The following PCDHA8 variants were observed in gnomAD, a reference collection of about 807,000 sequenced individuals.
The protein encoded by PCDHA8 is protocadherin alpha-8.
Under a neutral mutation model 61.8 loss-of-function variants are expected in PCDHA8, and 53 were observed. That is an observed-to-expected ratio of 0.86 (90% CI 0.69 to 1.08). PCDHA8 has a LOEUF of 1.08. PCDHA8 is among the 50% of genes least tolerant of loss of function. The pLI is 0.00. For missense variants in PCDHA8, 1,293 were observed against 1,245.0 expected, an observed-to-expected ratio of 1.04 and a Z score of -0.58; for synonymous variants, 618 against 556.6, an observed-to-expected ratio of 1.11 and a Z score of -1.55.
chr5:140,896,564 A>G (rs1475217228), intron 1 of PCDHA8, among the ~76,000 whole-genome samples: 1 of 150,096 alleles, frequency 6.7e-6, no homozygotes, highest in African/African-American at 2.5e-5. Flanking sequence ...TTAAGTAGAG[A>G]TGGGGTTTTG....
rs371960819 is a variant in PCDHA8, at chr5:140,928,197, T to C, written c.2395-50752T>C. The C allele has an allele frequency of 1.9e-5, 30 of 1,614,192 alleles. 1 individual carries two copies. In the African/African-American group the frequency reaches 2.0e-4, roughly 11 times the overall value. On this transcript the variant is annotated intron_variant, in intron 1 of 3. Coordinates refer to ENST00000531613, the MANE Select transcript of PCDHA8 (RefSeq NM_018911.3). Reference sequence around the variant, plus strand: ...CCCGAAGGACAATCACTGTGTCAGTTGCTGATGTGAATGACAATACACCAA... The same window carrying C: ...CCCGAAGGACAATCACTGTGTCAGTCGCTGATGTGAATGACAATACACCAA...
chr5:140,943,493 T>C (rs2093505211), intron 1 of PCDHA8, among the ~76,000 whole-genome samples: 1 of 152,118 alleles, frequency 6.6e-6, no homozygotes, highest in Non-Finnish European at 1.5e-5. Context: ...AAATAGATGC[T>C]ATCAAGGTTC....
intron 3 of PCDHA8, among the ~76,000 whole-genome samples, chr5:140,992,975 T>G (rs2097535680): frequency 6.6e-6 from 1 of 152,178 alleles, no homozygotes; most frequent in Admixed American, 6.6e-5. Context: ...TGACAATGAT[T>G]AGGCCATGGG....
intron 1 of PCDHA8, among the ~76,000 whole-genome samples, chr5:140,920,933 C>G (rs1293177470): frequency 6.6e-6 from 1 of 151,360 alleles, no homozygotes; most frequent in Non-Finnish European, 1.5e-5. Flanking sequence ...GGTGATCTAG[C>G]CCTTTCATTC....
chr5:140,889,434 G>T (rs1349291699), intron 1 of PCDHA8, among the ~76,000 whole-genome samples: 1 of 151,774 alleles, frequency 6.6e-6, no homozygotes, highest in African/African-American at 2.4e-5. Context: ...ATTTTTTCAG[G>T]TATTTTCCTG....
intron 3 of PCDHA8, among the ~76,000 whole-genome samples, chr5:140,983,787 A>G (rs1439684844): frequency 6.6e-6 from 1 of 152,234 alleles, no homozygotes; most frequent in Non-Finnish European, 1.5e-5. Flanking sequence ...ATAACAGATG[A>G]CAGAATGTGT....
intron 1 of PCDHA8, among the ~76,000 whole-genome samples, chr5:140,890,597 G>A (rs527637387): frequency 2.6e-5 from 4 of 152,002 alleles, no homozygotes; most frequent in African/African-American, 4.8e-5. Flanking sequence ...GCCCTTTTCC[G>A]AATAGCTAGT....
intron 1 of PCDHA8, among the ~76,000 whole-genome samples, chr5:140,918,416 C>A (rs2078685021): frequency 6.6e-6 from 1 of 152,110 alleles, no homozygotes; most frequent in Non-Finnish European, 1.5e-5. Flanking sequence ...GCCAGGACTT[C>A]CAGTAGGATG....
intron 1 of PCDHA8, chr5:140,929,124 C>T: frequency 6.2e-7 from 1 of 1,614,166 alleles, no homozygotes; most frequent in Non-Finnish European, 8.5e-7. Flanking sequence ...CCATAGATGT[C>T]ACTACAGTTG....
chr5:140,876,195 G>T lies in PCDHA8; in HGVS notation c.2394+32480G>T, dbSNP rs1554168359. On this transcript the variant is annotated intron_variant, in intron 1 of 3. Transcript: ENST00000531613. The stretch of plus-strand genomic sequence containing the variant: ...TGGATGTGAATGACAATGGTCCGGC[G>T]TTTGATAAGCCCAGCTATAAAGTAG... 4 of 1,613,946 alleles carry T rather than the reference G, an allele frequency of 2.5e-6. No homozygotes were observed. In the South Asian group the frequency reaches 4.4e-5, roughly 18 times the overall value.
chr5:140,902,191 C>G (rs1218204978), intron 1 of PCDHA8, among the ~76,000 whole-genome samples: 1 of 147,360 alleles, frequency 6.8e-6, no homozygotes, highest in Non-Finnish European at 1.5e-5. Context: ...TGTCTTCTCT[C>G]TCTCTCTCTT....
chr5:140,871,722 A>G (rs1354844618), intron 1 of PCDHA8: 1 of 760,470 alleles, frequency 1.3e-6, no homozygotes, highest in Non-Finnish European at 2.0e-6. Context: ...ATTTCTCTTA[A>G]TATTTGGTTA....
At position 140,858,238 on chromosome 5, in the gene PCDHA8, T is replaced by C. The variant is rs1351813678; in HGVS notation, c.2394+14523T>C. 3.1e-6 allele frequency: 5 copies of C among 1,595,920 alleles called. 1 individual carries two copies. Among genetic ancestry groups the C allele is most frequent in the Non-Finnish European group, 4.3e-6 (5 of 1,166,390 alleles). ...CGGCGGCGCCCACCGAGGGCGCATGTGGGCCGGTGAAGCCCACGCTGGTGT... is the reference window on the plus strand; with the variant it reads ...CGGCGGCGCCCACCGAGGGCGCATGCGGGCCGGTGAAGCCCACGCTGGTGT... On this transcript the variant is annotated intron_variant, in intron 1 of 3. Coordinates refer to ENST00000531613, the MANE Select transcript of PCDHA8 (RefSeq NM_018911.3).
chr5:140,981,138 G>A (rs1554242668), intron 2 of PCDHA8, among the ~76,000 whole-genome samples: 11 of 152,206 alleles, frequency 7.2e-5, no homozygotes. Flanking sequence ...GTCAAAGAGT[G>A]AGAAAACATT....
At chr5:140,858,660 TAAC>T in intron 1 of PCDHA8, 1 of 753,410 alleles carries the variant, frequency 1.3e-6, no homozygotes, top group East Asian at 2.7e-5. Flanking sequence ...TTTTTTTAAA[TAAC>T]AATTTATTCT....
At chr5:140,898,511 G>A (rs373963449) in intron 1 of PCDHA8, among the ~76,000 whole-genome samples, 16 of 151,912 alleles carry the variant, frequency 1.1e-4, no homozygotes, top group South Asian at 4.2e-4. Context: ...GATATGCGGC[G>A]TTATTTCTGA....
chr5:140,850,250 G>T (rs2150475592), intron 1 of PCDHA8: 2 of 1,594,024 alleles, frequency 1.3e-6, no homozygotes, highest in South Asian at 2.2e-5. Flanking sequence ...TGCGGTCGGT[G>T]GGCGCCGGCG....
At chr5:140,956,038 A>T in intron 1 of PCDHA8, among the ~76,000 whole-genome samples, 1 of 152,182 alleles carries the variant, frequency 6.6e-6, no homozygotes, top group South Asian at 2.1e-4. Flanking sequence ...CAGCTTAAGA[A>T]GCTTTTGGGC....
intron 1 of PCDHA8, chr5:140,863,573 C>T (rs2048075555): frequency 5.4e-6 from 2 of 367,848 alleles, no homozygotes; most frequent in South Asian, 4.3e-5. Flanking sequence ...AATATAAGTA[C>T]TGTAATCCTG....
Sources: allele counts gnomAD v4.1 joint callset (sites outside exome capture counted in the v4.1 genomes callset), GRCh38; gene constraint gnomAD v4.1.1; transcripts MANE v1.5; gene names NCBI Gene and HGNC (gene_info 2026-07-23, HGNC 2026-07-21).